PTK2B: variants seen among roughly 807,000 people sequenced by gnomAD.
PTK2B encodes the protein protein-tyrosine kinase 2-beta.
A neutral mutation model predicts 142.9 loss-of-function variants in PTK2B; 71 were observed. The ratio of observed to expected loss-of-function variants is 0.50; its 90% confidence interval spans 0.41 to 0.61. The LOEUF is 0.61. PTK2B is among the 20% of genes least tolerant of loss of function. The probability of loss-of-function intolerance (pLI) is 0.00; values close to 1 mark genes in which losing one functional copy is unlikely to be tolerated. For missense variants in PTK2B, 1,105 were observed against 1,320.4 expected, an observed-to-expected ratio of 0.84 and a Z score of 2.53; for synonymous variants, 519 against 503.4, an observed-to-expected ratio of 1.03 and a Z score of -0.42.
intron 1 of PTK2B, chr8:27,396,300 T>A (rs1008998260): frequency 3.3e-5 from 5 of 152,262 alleles, no homozygotes; most frequent in African/African-American, 9.6e-5. Flanking sequence ...ATTCCACTTT[T>A]CAAATGTGTG....
chr8:27,420,962 C>T (rs1809711100), intron 4 of PTK2B, among the ~76,000 whole-genome samples: 1 of 152,190 alleles, frequency 6.6e-6, no homozygotes, highest in Non-Finnish European at 1.5e-5. Flanking sequence ...CCCATGTGCT[C>T]CCAGCTCCTC....
upstream of PTK2B, among the ~76,000 whole-genome samples, chr8:27,324,622 A>G (rs567006908): frequency 2.2e-4 from 34 of 152,390 alleles, no homozygotes; most frequent in African/African-American, 7.9e-4. Flanking sequence ...CTCAGAAAGT[A>G]CATTGTGAAT....
chr8:27,328,275 G>C (rs767484322), intron 1 of PTK2B, among the ~76,000 whole-genome samples: 4 of 152,176 alleles, frequency 2.6e-5, no homozygotes, highest in Admixed American at 1.3e-4. Context: ...ATGAAATTTG[G>C]CTGTCATGAT....
chr8:27,418,764 ACG>A (rs373875018), intron 2 of PTK2B, among the ~76,000 whole-genome samples: 71 of 152,322 alleles, frequency 4.7e-4, no homozygotes, highest in African/African-American at 1.6e-3. Flanking sequence ...GCGGTGGCTC[ACG>A]CCTGTAATCC....
chr8:27,357,072 TA>T (rs112892318), intron 1 of PTK2B, among the ~76,000 whole-genome samples: 3 of 152,114 alleles, frequency 2.0e-5, no homozygotes, highest in East Asian at 1.9e-4. Flanking sequence ...TGAATCCATG[TA>T]AAAAAAATAA....
rs573938575 is a variant in PTK2B at position 27,433,244 on chromosome 8, C to A, written c.988-191C>A. 3 of 571,832 alleles carry A rather than the reference C, an allele frequency of 5.2e-6. No individual in the cohort carries two copies. In the East Asian group the frequency reaches 8.7e-5, roughly 17 times the overall value. 35.4% of individuals were successfully genotyped at this position (571,832 alleles called of 1,614,324 possible). ...AGGCCTGGGACTGGCCTTTGGAGAGCATGGGCGTACAGGTGAAAGGGGTGA... is the reference window on the plus strand; with the variant it reads ...AGGCCTGGGACTGGCCTTTGGAGAGAATGGGCGTACAGGTGAAAGGGGTGA... On this transcript the variant is annotated intron_variant, in intron 10 of 30. Transcript: ENST00000346049.
Position 27,332,166 on chromosome 8 carries a change from G to A in PTK2B, c.-38+6485G>A, listed in dbSNP as rs573982568. Among the ~76,000 whole-genome samples the A allele has an allele frequency of 3.8e-4, 58 of 152,302 alleles. 1 individual carries two copies. The South Asian group carries it at 8.7e-3, about 23-fold the overall frequency. On this transcript the variant is annotated intron_variant, in intron 1 of 30. Coordinates refer to ENST00000346049, the MANE Select transcript of PTK2B (RefSeq NM_173176.3). ...AGAAGCTCAGGCAGTTTTTCAGCCC[G>A]GGCAAGAGGAAAGAGAGTCAGAGGG...
At chr8:27,427,427 C>G (rs1240490568) in intron 5 of PTK2B, among the ~76,000 whole-genome samples, 1 of 152,208 alleles carries the variant, frequency 6.6e-6, no homozygotes, top group Non-Finnish European at 1.5e-5. Context: ...TCCTTAGAGT[C>G]AGAATGGGTG....
At chr8:27,351,116 A>T (rs1000768775) in intron 1 of PTK2B, among the ~76,000 whole-genome samples, 20 of 142,048 alleles carry the variant, frequency 1.4e-4, no homozygotes, top group African/African-American at 3.7e-4. Context: ...AGGTGGGAGG[A>T]TCACTTGAGC....
At chr8:27,343,918 G>A (rs185465871) in intron 1 of PTK2B, among the ~76,000 whole-genome samples, 330 of 152,226 alleles carry the variant, frequency 2.2e-3, no homozygotes, top group African/African-American at 7.1e-3. Flanking sequence ...CAGGAGAATG[G>A]TGTGAACCCA....
rs549542899 is a variant in PTK2B at position 27,354,180 on chromosome 8, A to G, written c.-38+28499A>G. On this transcript the variant is annotated intron_variant, in intron 1 of 30. Coordinates refer to ENST00000346049, the MANE Select transcript of PTK2B (RefSeq NM_173176.3). Reference sequence around the variant, plus strand: ...TGTCTGAGCTCCCAGCCATAGCCCTATCACCCAGAGAAAAGCCCTTTTCCC... The same window carrying G: ...TGTCTGAGCTCCCAGCCATAGCCCTGTCACCCAGAGAAAAGCCCTTTTCCC... Among the ~76,000 whole-genome samples, 10 of 152,322 alleles carry G rather than the reference A, an allele frequency of 6.6e-5. No individual in the cohort carries two copies. In the South Asian group the frequency reaches 1.0e-3, roughly 16 times the overall value.
chr8:27,422,037 G>A (rs1461082792), intron 4 of PTK2B, among the ~76,000 whole-genome samples: 1 of 152,194 alleles, frequency 6.6e-6, no homozygotes, highest in African/African-American at 2.4e-5. Flanking sequence ...CAAAATGGGG[G>A]GCAGGGGAGG....
chr8:27,443,728 A>T (rs895272414), intron 22 of PTK2B, among the ~76,000 whole-genome samples: 3 of 152,158 alleles, frequency 2.0e-5, no homozygotes, highest in African/African-American at 7.2e-5. Context: ...GAAAAGGGGG[A>T]CAAATATTCA....
intron 4 of PTK2B, among the ~76,000 whole-genome samples, chr8:27,422,008 A>G (rs932918561): frequency 3.2e-4 from 48 of 152,164 alleles, no homozygotes; most frequent in Non-Finnish European, 1.0e-4. Flanking sequence ...TTCTTGCAAA[A>G]TCTCAGTTTT....
chr8:27,338,155 G>T (rs905250910), intron 1 of PTK2B, among the ~76,000 whole-genome samples: 2 of 151,888 alleles, frequency 1.3e-5, no homozygotes, highest in Non-Finnish European at 2.9e-5. Flanking sequence ...TTGGCCATTT[G>T]TATGTCTTCT....
intron 1 of PTK2B, among the ~76,000 whole-genome samples, chr8:27,328,236 A>G (rs1803533942): frequency 6.6e-6 from 1 of 152,254 alleles, no homozygotes; most frequent in South Asian, 2.1e-4. Flanking sequence ...GAGAATCCAG[A>G]TAAAATATTC....
At chr8:27,359,246 G>A (rs1460847323) in intron 1 of PTK2B, among the ~76,000 whole-genome samples, 2 of 152,088 alleles carry the variant, frequency 1.3e-5, no homozygotes, top group African/African-American at 4.8e-5. Flanking sequence ...CTCCCGAGTA[G>A]CTGGACTACA....
intron 21 of PTK2B, among the ~76,000 whole-genome samples, chr8:27,440,966 G>C (rs1433569420): frequency 6.6e-6 from 1 of 152,088 alleles, no homozygotes; most frequent in Admixed American, 6.5e-5. Flanking sequence ...TGGGGAAGAA[G>C]GTCATCTGTT....
intron 1 of PTK2B, among the ~76,000 whole-genome samples, chr8:27,339,729 C>T (rs937756265): frequency 3.3e-5 from 5 of 152,180 alleles, no homozygotes; most frequent in African/African-American, 9.7e-5. Context: ...AGTTGGGGAT[C>T]AGGGGGTCAG....
Sources: allele counts gnomAD v4.1 joint callset (sites outside exome capture counted in the v4.1 genomes callset), GRCh38; gene constraint gnomAD v4.1.1; transcripts MANE v1.5; gene names NCBI Gene and HGNC (gene_info 2026-07-23, HGNC 2026-07-21).